The following ADCY2 variants were observed in gnomAD, a reference collection of about 807,000 sequenced individuals.
ADCY2 encodes the protein adenylate cyclase 2.
Under a neutral mutation model 125.2 loss-of-function variants are expected in ADCY2, and 31 were observed. The ratio of observed to expected loss-of-function variants is 0.25; its 90% CI spans 0.19 to 0.33. The LOEUF (loss-of-function observed/expected upper bound fraction) is 0.33, where lower values mean the gene tolerates loss of function less well. Among genes scored for constraint, ADCY2 ranks in the 10% least tolerant of loss-of-function variants. The pLI, the probability that ADCY2 is intolerant of heterozygous loss-of-function variation, is 1.00. For missense variants in ADCY2, 904 were observed against 1,418.2 expected, an observed-to-expected ratio of 0.64 and a Z score of 5.82; for synonymous variants, 512 against 548.4, an observed-to-expected ratio of 0.93 and a Z score of 0.93.
In ADCY2 at chr5:7,484,016, T is replaced by C. The variant is rs139700119; in HGVS notation, c.409-36722T>C. Among the ~76,000 whole-genome samples the C allele has an allele frequency of 4.9e-4, 74 of 152,344 alleles. 2 individuals carry two copies. In the Middle Eastern group the frequency reaches 0.014, roughly 28 times the overall value. ...CAGTTAATATTGATAGACTAGATTT[T>C]ATCTTTCAAGGTGAGGAAACCCAGG... is the stretch of plus-strand genomic sequence containing the variant. On this transcript the variant is annotated intron_variant, in intron 2 of 24. Transcript: ENST00000338316.
At chr5:7,771,736 G>C (rs1743563370) in intron 17 of ADCY2, among the ~76,000 whole-genome samples, 1 of 152,100 alleles carries the variant, frequency 6.6e-6, no homozygotes, top group African/African-American at 2.4e-5. Flanking sequence ...CTTTAGCTGG[G>C]GAAATCAAAG....
At chr5:7,623,784 C>T (rs958720302) in intron 3 of ADCY2, among the ~76,000 whole-genome samples, 4 of 152,186 alleles carry the variant, frequency 2.6e-5, no homozygotes, top group Admixed American at 6.5e-5. Flanking sequence ...CGTGTGTTAC[C>T]TGCATATCAC....
At chr5:7,531,520 C>G (rs1262292163) in intron 3 of ADCY2, among the ~76,000 whole-genome samples, 2 of 152,144 alleles carry the variant, frequency 1.3e-5, no homozygotes, top group African/African-American at 2.4e-5. Flanking sequence ...TATTATCTCA[C>G]AGAAATCAAA....
intron 3 of ADCY2, among the ~76,000 whole-genome samples, chr5:7,584,294 G>A (rs749600796): frequency 7.7e-4 from 117 of 151,852 alleles, no homozygotes; most frequent in Non-Finnish European, 1.4e-3. Context: ...ATATCATTTC[G>A]GAAAAAAATA....
intron 4 of ADCY2, among the ~76,000 whole-genome samples, chr5:7,626,904 G>A (rs1343332836): frequency 6.6e-6 from 1 of 152,160 alleles, no homozygotes; most frequent in Non-Finnish European, 1.5e-5. Context: ...GATCAAAAGA[G>A]CAAAGATTGC....
At chr5:7,566,467 A>T (rs1169115268) in intron 3 of ADCY2, among the ~76,000 whole-genome samples, 1 of 152,118 alleles carries the variant, frequency 6.6e-6, no homozygotes, top group Non-Finnish European at 1.5e-5. Context: ...CTGGACTCCA[A>T]CCAGGGTGAC....
chr5:7,731,263 T>C (rs1742095957), intron 14 of ADCY2, among the ~76,000 whole-genome samples: 1 of 151,504 alleles, frequency 6.6e-6, no homozygotes, highest in African/African-American at 2.4e-5. Context: ...ATTTTTTTTT[T>C]TTTTTTTGAT....
At chr5:7,515,532 C>G (rs1472931362) in intron 2 of ADCY2, among the ~76,000 whole-genome samples, 1 of 152,080 alleles carries the variant, frequency 6.6e-6, no homozygotes, top group Non-Finnish European at 1.5e-5. Flanking sequence ...AAATGTCTGT[C>G]CAGTTGAGTG....
At chr5:7,489,277 G>A (rs1049104338) in intron 2 of ADCY2, among the ~76,000 whole-genome samples, 4 of 152,276 alleles carry the variant, frequency 2.6e-5, no homozygotes, top group South Asian at 4.1e-4. Flanking sequence ...ACTCCTAGGT[G>A]GCACTCGCCA....
chr5:7,808,031 G>A (rs969328031), intron 22 of ADCY2, among the ~76,000 whole-genome samples: 1 of 152,288 alleles, frequency 6.6e-6, no homozygotes, highest in South Asian at 2.1e-4. Context: ...CTAGTTTACC[G>A]AGGTGATTCT....
At position 7,396,352 on chromosome 5, in the gene ADCY2, C is replaced by G. The variant is rs767957240; in HGVS notation, c.56C>G (p.Ala19Gly). ...TACCTGCGGGACCGCTCCGAGGAGG[C>G]GGCGGGCGGCGGAGACGGGCTGCCG... Reference protein sequence around the residue: ...RRYLRDRSEEAAGGGDGLPRS... With the variant: ...RRYLRDRSEEGAGGGDGLPRS... Residue 19 changes from alanine (A) to glycine (G), a missense_variant, in exon 1 of 25, where the codon GCG (alanine) becomes GGG (glycine). By Grantham distance (60) the Ala-to-Gly change is moderately conservative. This residue lies in a region of ADCY2 where 113 missense variants were observed against 108.0 expected (regional missense o/e 1.05). Transcript: ENST00000338316. This position sits in a 1 kb window ranked among gnomAD's most constrained non-coding sequence, Gnocchi z 5.7. 6.5e-7 allele frequency: 1 copy of G among 1,543,018 alleles called. No individual in the cohort carries two copies. The highest frequency in any genetic ancestry group is 1.2e-5 in the South Asian group (1 of 85,106).
chr5:7,435,288 G>T (rs1199439038), intron 2 of ADCY2, among the ~76,000 whole-genome samples: 1 of 152,166 alleles, frequency 6.6e-6, no homozygotes, highest in African/African-American at 2.4e-5. Context: ...AATATTTTTG[G>T]AATACTAGCA....
intron 2 of ADCY2, among the ~76,000 whole-genome samples, chr5:7,477,838 A>G (rs1429669331): frequency 6.6e-6 from 1 of 152,150 alleles, no homozygotes; most frequent in African/African-American, 2.4e-5. Flanking sequence ...TACTCTTAAC[A>G]TCTAGTGATT....
intron 12 of ADCY2, among the ~76,000 whole-genome samples, chr5:7,717,573 T>TA (rs1741628747): frequency 6.6e-6 from 1 of 152,202 alleles, no homozygotes; most frequent in Admixed American, 6.5e-5. Flanking sequence ...TTTTAGCATA[T>TA]GATACTATCC....
rs371936061 is a variant in ADCY2 at position 7,773,110 on chromosome 5, C to T, written c.2384+9C>T. ...CAGGTCTTATTTGAGAGGTGAGCCACGGCCTCTTCCTTCTCTTACTATAGT... is the reference window on the plus strand; with the variant it reads ...CAGGTCTTATTTGAGAGGTGAGCCATGGCCTCTTCCTTCTCTTACTATAGT... On this transcript the variant is annotated intron_variant, in intron 18 of 24. Transcript: ENST00000338316. 2.6e-5 allele frequency: 42 copies of T among 1,612,534 alleles called. 1 individual carries two copies. In the East Asian group the frequency reaches 4.0e-4, roughly 15 times the overall value.
intron 3 of ADCY2, 90 bp from the exon 4 acceptor site, chr5:7,626,077 T>C (rs1738111693): frequency 1.4e-6 from 2 of 1,408,404 alleles, no homozygotes; most frequent in Non-Finnish European, 1.9e-6. Flanking sequence ...GTTATCTCTC[T>C]GAAGACTGTT....
At chr5:7,535,684 A>T (rs1183841627) in intron 3 of ADCY2, among the ~76,000 whole-genome samples, 1 of 152,182 alleles carries the variant, frequency 6.6e-6, no homozygotes, top group East Asian at 1.9e-4. Context: ...CTTCACATTT[A>T]TAGTATTATA....
At chr5:7,479,257 G>A (rs903355008) in intron 2 of ADCY2, among the ~76,000 whole-genome samples, 1 of 151,994 alleles carries the variant, frequency 6.6e-6, no homozygotes, top group African/African-American at 2.4e-5. Flanking sequence ...AATAAACCAT[G>A]GTGTCGCAGA....
intron 15 of ADCY2, among the ~76,000 whole-genome samples, chr5:7,750,567 C>T (rs1266881418): frequency 6.6e-6 from 1 of 152,184 alleles, no homozygotes; most frequent in African/African-American, 2.4e-5. Context: ...ATAATCCTTC[C>T]CATGAGGGTT....
Sources: gnomAD v4.1 joint callset for allele counts (sites outside exome capture counted in the v4.1 genomes callset) on GRCh38, gnomAD v4.1.1 for gene constraint, gnomAD v4.1.1 regional missense constraint, Gnocchi (gnomAD v3.1) non-coding constraint, MANE v1.5 for transcripts, NCBI Gene and HGNC (gene_info 2026-07-23, HGNC 2026-07-21) for gene names.